The following ZNF407 variants were observed in gnomAD, a reference collection of about 807,000 sequenced individuals.
ZNF407 encodes the protein zinc finger protein 407.
ZNF407 carries 17 observed loss-of-function variants against 131.2 expected under a neutral mutation model. That is an observed-to-expected ratio of 0.13 (90% CI 0.09 to 0.19). ZNF407 has a LOEUF of 0.19. Ranked by LOEUF, ZNF407 falls within the 10% of genes least tolerant of loss-of-function variation. The pLI is 1.00. For missense variants in ZNF407, 2,681 were observed against 2,830.6 expected (o/e 0.95, Z 1.20); for synonymous variants, 1,156 against 1,062.0 (o/e 1.09, Z -1.72).
At chr18:74,919,005 T>C (rs1971810534) in intron 7 of ZNF407, among the ~76,000 whole-genome samples, 2 of 152,150 alleles carry the variant, frequency 1.3e-5, no homozygotes, top group Non-Finnish European at 2.9e-5. Flanking sequence ...GTACGAGAAC[T>C]CTTCCAGAAT....
At chr18:75,002,336 C>A (rs1171620208) in intron 8 of ZNF407, among the ~76,000 whole-genome samples, 1 of 152,166 alleles carries the variant, frequency 6.6e-6, no homozygotes, top group African/African-American at 2.4e-5. Context: ...TTCCCCTCTC[C>A]CTCGCTAGGA....
At chr18:74,645,135 C>T (rs1184806007) in intron 3 of ZNF407, among the ~76,000 whole-genome samples, 2 of 151,606 alleles carry the variant, frequency 1.3e-5, no homozygotes, top group Admixed American at 6.6e-5. Context: ...ATTGCATTTA[C>T]TTGTGGGTTA....
At chr18:75,023,382 CATA>C (rs1394319127) in intron 8 of ZNF407, among the ~76,000 whole-genome samples, 3 of 152,018 alleles carry the variant, frequency 2.0e-5, no homozygotes, top group East Asian at 1.9e-4. Context: ...AATTAACAGA[CATA>C]ATTATTATAA....
intron 8 of ZNF407, among the ~76,000 whole-genome samples, chr18:75,034,135 A>G (rs1973277352): frequency 6.6e-6 from 1 of 151,840 alleles, no homozygotes; most frequent in Admixed American, 6.6e-5. Context: ...CTGTAATTCT[A>G]CTCTACACAC....
intron 8 of ZNF407, among the ~76,000 whole-genome samples, chr18:75,060,756 C>G (rs1053471026): frequency 6.6e-6 from 1 of 152,182 alleles, no homozygotes; most frequent in Non-Finnish European, 1.5e-5. Context: ...CCGTCCGCCT[C>G]GGCCTCCCAA....
At chr18:74,936,446 T>C (rs1972040999) in intron 8 of ZNF407, among the ~76,000 whole-genome samples, 1 of 152,186 alleles carries the variant, frequency 6.6e-6, no homozygotes, top group African/African-American at 2.4e-5. Context: ...TGAGTGTTTG[T>C]TTAGTGAGAC....
intron 8 of ZNF407, among the ~76,000 whole-genome samples, chr18:75,002,901 T>C (rs1972865150): frequency 6.6e-6 from 1 of 151,914 alleles, no homozygotes; most frequent in East Asian, 1.9e-4. Context: ...GTTTTACAAA[T>C]AAAAGGTGGT....
intron 1 of ZNF407, among the ~76,000 whole-genome samples, chr18:74,608,401 T>C (rs1982904131): frequency 6.6e-6 from 1 of 150,932 alleles, no homozygotes; most frequent in Non-Finnish European, 1.5e-5. Flanking sequence ...CAGGCTGGAG[T>C]GCAGTGGCTC....
chr18:74,920,053 C>T (rs1971825771), intron 7 of ZNF407, among the ~76,000 whole-genome samples: 1 of 152,208 alleles, frequency 6.6e-6, no homozygotes, highest in African/African-American at 2.4e-5. Context: ...ATTCCATCTT[C>T]ACATTATTTT....
At chr18:74,883,112 C>T (rs921056357) in intron 6 of ZNF407, among the ~76,000 whole-genome samples, 2 of 152,194 alleles carry the variant, frequency 1.3e-5, no homozygotes, top group African/African-American at 4.8e-5. Context: ...GGTCCAGAGG[C>T]TCCTTATTAC....
chr18:74,995,879 T>C (rs1972774844), intron 8 of ZNF407, among the ~76,000 whole-genome samples: 2 of 152,246 alleles, frequency 1.3e-5, no homozygotes, highest in East Asian at 1.9e-4. Context: ...TATTTTTACT[T>C]TGAGAATTTT....
Position 74,781,412 on chromosome 18 carries a change from T to G in ZNF407, c.4803-16T>G. Reference sequence around the variant, plus strand: ...GTCAAGTTTTAGTTTTATAATTACTTTTGTTTATTTTTTAGGGTTGCTTTT... The same window carrying G: ...GTCAAGTTTTAGTTTTATAATTACTGTTGTTTATTTTTTAGGGTTGCTTTT... On this transcript the variant is annotated splice_polypyrimidine_tract_variant and intron_variant, in intron 3 of 8. Transcript: ENST00000299687. 1 of 1,518,942 alleles carries G rather than the reference T, an allele frequency of 6.6e-7. No homozygotes were observed. Among genetic ancestry groups the G allele is most frequent in the South Asian group, 1.3e-5 (1 of 79,608 alleles). The allele number at this position is 1,518,942 out of a possible 1,614,324, so 94.1% of individuals were successfully genotyped here.
At chr18:74,618,154 C>G (rs1983392781) in intron 1 of ZNF407, among the ~76,000 whole-genome samples, 1 of 150,240 alleles carries the variant, frequency 6.7e-6, no homozygotes, top group South Asian at 2.1e-4. Flanking sequence ...CCCCTTCAAG[C>G]TGGCTCCTGT....
At chr18:74,915,598 G>A (rs1185163648) in intron 7 of ZNF407, among the ~76,000 whole-genome samples, 1 of 130,494 alleles carries the variant, frequency 7.7e-6, no homozygotes, top group Non-Finnish European at 1.6e-5. Context: ...TGGTGAGGTT[G>A]TGTGCAGCAT....
intron 1 of ZNF407, among the ~76,000 whole-genome samples, chr18:74,616,903 A>C (rs1599132743): frequency 6.8e-6 from 1 of 147,046 alleles, no homozygotes; most frequent in East Asian, 2.0e-4. Context: ...ATCCATATCC[A>C]CACACATCCA....
chr18:74,842,262 A>C (rs908326781), intron 4 of ZNF407, among the ~76,000 whole-genome samples: 3 of 152,190 alleles, frequency 2.0e-5, no homozygotes, highest in Non-Finnish European at 4.4e-5. Context: ...TCTTTGATTT[A>C]ACTCAGTAGC....
intron 3 of ZNF407, among the ~76,000 whole-genome samples, chr18:74,754,144 A>G (rs980389453): frequency 1.3e-5 from 2 of 152,126 alleles, no homozygotes. Flanking sequence ...AGAGGTGTTT[A>G]TAGTATTCTC....
At chr18:74,858,634 A>G (rs1391438420) in intron 4 of ZNF407, among the ~76,000 whole-genome samples, 1 of 152,138 alleles carries the variant, frequency 6.6e-6, no homozygotes, top group East Asian at 1.9e-4. Context: ...ATCCTAGTGG[A>G]CTGTGACCTT....
At chr18:74,676,592 G>T (rs574904807) in intron 3 of ZNF407, among the ~76,000 whole-genome samples, 2 of 146,376 alleles carry the variant, frequency 1.4e-5, no homozygotes, top group Non-Finnish European at 3.0e-5. Context: ...GCCCACCACC[G>T]TGCCCGGGTA....
Sources: allele counts gnomAD v4.1 joint callset (sites outside exome capture counted in the v4.1 genomes callset), GRCh38; gene constraint gnomAD v4.1.1; transcripts MANE v1.5; gene names NCBI Gene and HGNC (gene_info 2026-07-23, HGNC 2026-07-21).